The following ZFAND3 variants were observed in gnomAD, a reference collection of about 807,000 sequenced individuals.
ZFAND3 encodes AN1-type zinc finger protein 3.
A neutral mutation model predicts 29.6 loss-of-function variants in ZFAND3; 10 were observed. The observed-to-expected ratio is 0.34, with a 90% confidence interval of 0.21 to 0.57. The LOEUF (loss-of-function observed/expected upper bound fraction) is 0.57, where lower values mean the gene tolerates loss of function less well. Among genes scored for constraint, ZFAND3 ranks in the 20% least tolerant of loss-of-function variants. The pLI is 0.86. For synonymous variants in ZFAND3, 128 were observed against 112.6 expected, an observed-to-expected ratio of 1.14 and a Z score of -0.87; for missense variants, 230 against 304.5, an observed-to-expected ratio of 0.76 and a Z score of 1.82.
At chr6:37,971,224 T>C (rs766437848) in intron 2 of ZFAND3, among the ~76,000 whole-genome samples, 9 of 152,242 alleles carry the variant, frequency 5.9e-5, no homozygotes, top group Non-Finnish European at 1.2e-4. Context: ...GACCTTTTTT[T>C]CTAAGCCGTC....
chr6:38,045,263 T>C (rs775331820), intron 2 of ZFAND3, among the ~76,000 whole-genome samples: 2 of 151,750 alleles, frequency 1.3e-5, no homozygotes, highest in Non-Finnish European at 2.9e-5. Context: ...AATTTTTGTA[T>C]TTTTAGTAGA....
At chr6:37,900,556 A>T (rs1489212288) in intron 1 of ZFAND3, among the ~76,000 whole-genome samples, 3 of 152,080 alleles carry the variant, frequency 2.0e-5, no homozygotes, top group African/African-American at 7.2e-5. Flanking sequence ...AGTTCTGTAG[A>T]TTTTTTTCCC....
chr6:37,873,287 A>G (rs1046952500), intron 1 of ZFAND3, among the ~76,000 whole-genome samples: 3 of 152,160 alleles, frequency 2.0e-5, no homozygotes, highest in African/African-American at 7.2e-5. Flanking sequence ...AAGAAAGAAA[A>G]TTGGAACCTA....
chr6:38,106,073 CTG>C (rs2127480177), intron 4 of ZFAND3, among the ~76,000 whole-genome samples: 1 of 152,144 alleles, frequency 6.6e-6, no homozygotes, highest in East Asian at 1.9e-4. Flanking sequence ...GCTTCCCAGA[CTG>C]TGAAATGTTC....
chr6:38,078,718 G>A (rs1286424266), intron 3 of ZFAND3, among the ~76,000 whole-genome samples: 1 of 152,064 alleles, frequency 6.6e-6, no homozygotes, highest in Non-Finnish European at 1.5e-5. Context: ...CTCAGTCCCG[G>A]TCAACACACA....
chr6:38,057,715 A>C (rs1267226024), intron 2 of ZFAND3, among the ~76,000 whole-genome samples: 1 of 152,192 alleles, frequency 6.6e-6, no homozygotes, highest in African/African-American at 2.4e-5. Flanking sequence ...GGAAGTTAGA[A>C]AATTCTAACT....
chr6:37,965,736 G>A (rs998125507), intron 2 of ZFAND3, among the ~76,000 whole-genome samples: 2 of 152,150 alleles, frequency 1.3e-5, no homozygotes, highest in Admixed American at 1.3e-4. Flanking sequence ...ATGGACTGAA[G>A]TGAAGCAATC....
chr6:38,048,191 A>T (rs1192593423), intron 2 of ZFAND3, among the ~76,000 whole-genome samples: 2 of 151,670 alleles, frequency 1.3e-5, no homozygotes, highest in African/African-American at 2.4e-5. Context: ...TTTTATGTAG[A>T]TACAGGGTTT....
intron 1 of ZFAND3, among the ~76,000 whole-genome samples, chr6:37,826,667 C>T (rs914146412): frequency 7.3e-5 from 11 of 151,664 alleles, no homozygotes; most frequent in African/African-American, 1.2e-4. Context: ...GCAGTAGATT[C>T]GCTTGAATCC....
At chr6:38,070,104 A>G (rs971954122) in intron 3 of ZFAND3, among the ~76,000 whole-genome samples, 3 of 152,174 alleles carry the variant, frequency 2.0e-5, no homozygotes, top group Non-Finnish European at 2.9e-5. Context: ...TATTTTTTCT[A>G]TGCAGCTGTG....
chr6:38,079,593 T>C (rs73419960), intron 3 of ZFAND3, among the ~76,000 whole-genome samples: 10,390 of 152,278 alleles, frequency 0.068, 424 homozygotes, highest in Non-Finnish European at 0.087. Flanking sequence ...ATTTGACAGT[T>C]TCTCCTTTCT....
chr6:37,874,619 G>A (rs941622528), intron 1 of ZFAND3, among the ~76,000 whole-genome samples: 4 of 151,854 alleles, frequency 2.6e-5, no homozygotes, highest in African/African-American at 4.8e-5. Flanking sequence ...GCCTCTGTAA[G>A]ACCCCATGTC....
chr6:37,828,725 T>A (rs1763803164), intron 1 of ZFAND3, among the ~76,000 whole-genome samples: 1 of 152,022 alleles, frequency 6.6e-6, no homozygotes, highest in African/African-American at 2.4e-5. Context: ...CTTGGCTCAC[T>A]GCAACCTCTG....
chr6:37,904,471 T>C (rs1765373727), intron 1 of ZFAND3, among the ~76,000 whole-genome samples: 1 of 152,182 alleles, frequency 6.6e-6, no homozygotes, highest in Admixed American at 6.5e-5. Flanking sequence ...TCATAAAGTA[T>C]CATTATTAGG....
intron 2 of ZFAND3, among the ~76,000 whole-genome samples, chr6:38,038,866 A>G (rs191187509): frequency 2.6e-5 from 4 of 152,192 alleles, no homozygotes; most frequent in Admixed American, 2.6e-4. Flanking sequence ...GGGCAGCACT[A>G]TCTCTCAGAA....
intron 2 of ZFAND3, among the ~76,000 whole-genome samples, chr6:37,979,143 T>C (rs1268200688): frequency 6.6e-6 from 1 of 152,254 alleles, no homozygotes; most frequent in Non-Finnish European, 1.5e-5. Flanking sequence ...ACTGAGTTTA[T>C]TGATTTGAAA....
At chr6:38,087,483 A>G (rs549521678) in intron 4 of ZFAND3, among the ~76,000 whole-genome samples, 3 of 152,334 alleles carry the variant, frequency 2.0e-5, no homozygotes, top group East Asian at 1.9e-4. Flanking sequence ...AGCTCCAACA[A>G]CTAAATAGGA....
At chr6:37,935,238 T>G (rs6458033) in intron 2 of ZFAND3, among the ~76,000 whole-genome samples, 1 of 152,164 alleles carries the variant, frequency 6.6e-6, no homozygotes, top group Non-Finnish European at 1.5e-5. Context: ...CCCTGGGACA[T>G]GAGTTATCAA....
At chr6:38,051,822 T>A (rs1338819480) in intron 2 of ZFAND3, among the ~76,000 whole-genome samples, 1 of 152,232 alleles carries the variant, frequency 6.6e-6, no homozygotes, top group Non-Finnish European at 1.5e-5. Flanking sequence ...ATGAGGTAAA[T>A]GTACATGTTA....
Sources: allele counts gnomAD v4.1 joint callset (sites outside exome capture counted in the v4.1 genomes callset), GRCh38; gene constraint gnomAD v4.1.1; transcripts MANE v1.5; gene names NCBI Gene and HGNC (gene_info 2026-07-23, HGNC 2026-07-21).